ABCB11: variants seen among roughly 807,000 people sequenced by gnomAD.
ABCB11 encodes ATP binding cassette subfamily B member 11.
Under a neutral mutation model 148.0 loss-of-function variants are expected in ABCB11, and 95 were observed. That is an observed-to-expected ratio of 0.64 (90% CI 0.54 to 0.76). The LOEUF (loss-of-function observed/expected upper bound fraction) is 0.76, where lower values mean the gene tolerates loss of function less well. ABCB11 is among the 30% of genes least tolerant of loss of function. ABCB11 has a pLI of 0.00. For missense variants in ABCB11, 1,523 were observed against 1,617.8 expected, an observed-to-expected ratio of 0.94 and a Z score of 1.01; for synonymous variants, 591 against 555.4, an observed-to-expected ratio of 1.06 and a Z score of -0.90.
intron 5 of ABCB11, 37 bp from the exon 6 acceptor site, chr2:168,996,759 T>C (rs1694728990): frequency 7.3e-7 from 1 of 1,372,920 alleles, no homozygotes. Context: ...GACTTGCAAG[T>C]AGGATCAAGC....
In ABCB11 at chr2:169,000,962, A is replaced by G. The variant is rs114274313; in HGVS notation, c.390-4240T>C. ...TTTAGAATTCAATTTTGATTTATCT[A>G]TAGCGTTTTTAAGTGTCTCTCTTTG... On this transcript the variant is annotated intron_variant, in intron 5 of 27. Transcript: ENST00000650372. 7.5e-3 allele frequency among the ~76,000 whole-genome samples: 1,140 copies of G among 152,138 alleles called. 11 individuals are homozygous for G. Among genetic ancestry groups the G allele is most frequent in the Non-Finnish European group, 0.012 (801 of 67,990 alleles).
intron 18 of ABCB11, among the ~76,000 whole-genome samples, chr2:168,962,433 T>G (rs1442348540): frequency 1.3e-5 from 2 of 151,682 alleles, no homozygotes; most frequent in East Asian, 3.9e-4. Flanking sequence ...TGTTCCTGCA[T>G]CAAGAGAACT....
chr2:169,025,745 T>C (rs982483224), intron 1 of ABCB11, among the ~76,000 whole-genome samples: 1 of 152,250 alleles, frequency 6.6e-6, no homozygotes, highest in African/African-American at 2.4e-5. Flanking sequence ...CATTAAATCA[T>C]GCGTCTCTAT....
intron 11 of ABCB11, 31 bp downstream of exon 11, chr2:168,979,835 T>C (rs367975350): frequency 2.8e-6 from 3 of 1,062,216 alleles, no homozygotes; most frequent in Admixed American, 1.9e-5. Context: ...CCCCCACCTG[T>C]TAATGGCCTT....
chr2:168,989,082 C>T (rs923305669), intron 9 of ABCB11, among the ~76,000 whole-genome samples: 2 of 151,988 alleles, frequency 1.3e-5, no homozygotes, highest in East Asian at 3.9e-4. Flanking sequence ...CTATAAATTG[C>T]CTCTTCACTC....
At chr2:168,991,970 C>T (rs76324308) in intron 8 of ABCB11, among the ~76,000 whole-genome samples, 7,356 of 150,198 alleles carry the variant, frequency 0.049, 615 homozygotes, top group African/African-American at 0.17. Flanking sequence ...CCTGGGTATC[C>T]GAGACTATAG....
At chr2:168,933,623 T>C (rs1247149533) in intron 23 of ABCB11, among the ~76,000 whole-genome samples, 2 of 152,110 alleles carry the variant, frequency 1.3e-5, no homozygotes, top group Non-Finnish European at 2.9e-5. Context: ...AATCTGAACA[T>C]CCCCGGGAGC....
chr2:168,929,339 G>A (rs1691462388), intron 25 of ABCB11, among the ~76,000 whole-genome samples: 1 of 152,100 alleles, frequency 6.6e-6, no homozygotes, highest in African/African-American at 2.4e-5. Flanking sequence ...ACAGAAATGA[G>A]GGAAGAGATG....
chr2:168,937,774 T>C (rs1691894561), intron 21 of ABCB11, among the ~76,000 whole-genome samples: 1 of 152,244 alleles, frequency 6.6e-6, no homozygotes, highest in South Asian at 2.1e-4. Context: ...AGCCTGCTCG[T>C]TGGTACAAAG....
chr2:168,980,463 C>T (rs2105985821), intron 10 of ABCB11, among the ~76,000 whole-genome samples: 1 of 152,110 alleles, frequency 6.6e-6, no homozygotes, highest in Admixed American at 6.5e-5. Context: ...GCTACTATTC[C>T]AGTAGTCACT....
intron 11 of ABCB11, among the ~76,000 whole-genome samples, chr2:168,977,212 T>C (rs1002605244): frequency 3.3e-5 from 5 of 151,156 alleles, no homozygotes; most frequent in African/African-American, 4.9e-5. Flanking sequence ...ATGTACTAGG[T>C]GTTTTTATAC....
At chr2:169,014,448 A>G (rs1382592965) in intron 3 of ABCB11, 94 bp from the exon 4 acceptor site, 1 of 1,243,642 alleles carries the variant, frequency 8.0e-7, no homozygotes, top group Non-Finnish European at 1.1e-6. Context: ...TTCTTTAGTA[A>G]GAAAGAAAAT....
intron 1 of ABCB11, among the ~76,000 whole-genome samples, chr2:169,024,298 C>T (rs753901120): frequency 8.5e-5 from 13 of 152,188 alleles, no homozygotes; most frequent in Non-Finnish European, 1.5e-4. Context: ...TATGCACCAT[C>T]ATCATGTATT....
At chr2:168,968,591 T>G in intron 16 of ABCB11, 101 bp from the exon 17 acceptor site, 1 of 942,338 alleles carries the variant, frequency 1.1e-6, no homozygotes. Context: ...AATTACTATG[T>G]CAAATGCCAA....
downstream of ABCB11, among the ~76,000 whole-genome samples, chr2:168,916,022 C>T (rs1690935102): frequency 6.6e-6 from 1 of 152,180 alleles, no homozygotes; most frequent in Non-Finnish European, 1.5e-5. Flanking sequence ...ATGCTAAAAC[C>T]ATGAAGGCAA....
chr2:168,995,292 C>G, intron 7 of ABCB11, 57 bp downstream of exon 7: 2 of 1,523,516 alleles, frequency 1.3e-6, no homozygotes, highest in African/African-American at 2.8e-5. Flanking sequence ...AATTTAGAAA[C>G]AAGGGTTTTA....
chr2:168,972,927 A>G (rs1349238738), intron 13 of ABCB11, among the ~76,000 whole-genome samples: 2 of 152,136 alleles, frequency 1.3e-5, no homozygotes, highest in Middle Eastern at 3.4e-3. Context: ...TGTTTGTCAA[A>G]TGGGCCTATG....
In ABCB11 at chr2:168,976,790, T is replaced by C. The variant is rs539470479; in HGVS notation, c.1198-103A>G. On this transcript the variant is annotated intron_variant, in intron 11 of 27. Transcript: ENST00000650372. ...AAACATCTTTGGCGTATCTCTGCAATGTTTTATCTGGTTGTTGCTCTGTTT... is the reference window on the plus strand; with the variant it reads ...AAACATCTTTGGCGTATCTCTGCAACGTTTTATCTGGTTGTTGCTCTGTTT... 8.5e-4 allele frequency: 575 copies of C among 675,442 alleles called. 3 individuals carry two copies. The highest frequency in any genetic ancestry group is 1.7e-4 in the Non-Finnish European group (65 of 377,538). 41.8% of individuals were successfully genotyped at this position (675,442 alleles called of 1,614,324 possible). A position where few individuals can be genotyped will look rare whatever the true frequency, so the allele number is the denominator to read the frequency against.
intron 7 of ABCB11, among the ~76,000 whole-genome samples, chr2:168,994,253 C>T (rs369154654): frequency 2.0e-5 from 3 of 152,074 alleles, no homozygotes; most frequent in Non-Finnish European, 4.4e-5. Flanking sequence ...TAGTCACATA[C>T]CTTCTCGTGC....
Sources: gnomAD v4.1 joint callset for allele counts (sites outside exome capture counted in the v4.1 genomes callset) on GRCh38, gnomAD v4.1.1 for gene constraint, MANE v1.5 for transcripts, NCBI Gene and HGNC (gene_info 2026-07-23, HGNC 2026-07-21) for gene names.